LRRC37A2: variants seen among roughly 807,000 people sequenced by gnomAD.
The protein encoded by LRRC37A2 is leucine-rich repeat-containing protein 37A2.
LRRC37A2 carries 9 observed loss-of-function variants against 68.8 expected under a neutral mutation model. That is an observed-to-expected ratio of 0.13 (90% CI 0.08 to 0.23). The LOEUF is 0.23. LRRC37A2 is among the 10% of genes least tolerant of loss of function. The pLI is 1.00. For synonymous variants in LRRC37A2, 63 were observed against 367.6 expected, an observed-to-expected ratio of 0.17 and a Z score of 9.48; for missense variants, 168 against 950.4, an observed-to-expected ratio of 0.18 and a Z score of 10.82.
chr17:46,501,511 C>A, the LRRC37A2 span, among the ~76,000 whole-genome samples: 500 of 151,356 alleles, frequency 3.3e-3, 42 homozygotes, highest in African/African-American at 0.012. Flanking sequence ...AATGTGTGGG[C>A]GTGACCAAGT....
chr17:46,936,077 G>A, the LRRC37A2 span: 1 of 985,844 alleles, frequency 1.0e-6, no homozygotes, highest in Middle Eastern at 5.2e-4. Context: ...GGTCAGGCAA[G>A]CTGCAAGTGA....
the LRRC37A2 span, among the ~76,000 whole-genome samples, chr17:46,902,466 G>A: frequency 1.3e-5 from 2 of 150,986 alleles, no homozygotes; most frequent in African/African-American, 4.9e-5. Flanking sequence ...CAGTGCGTGT[G>A]TGTGTGTGTG....
chr17:46,972,714 C>T, the LRRC37A2 span, among the ~76,000 whole-genome samples: 3 of 152,288 alleles, frequency 2.0e-5, no homozygotes, highest in South Asian at 6.2e-4. Context: ...AACCCTGTAC[C>T]CCACTGGCTG....
chr17:46,777,125 G>A, the LRRC37A2 span, among the ~76,000 whole-genome samples: 1 of 152,172 alleles, frequency 6.6e-6, no homozygotes, highest in Non-Finnish European at 1.5e-5. Context: ...CAGGAGAATC[G>A]CTTGAACCTG....
At chr17:47,037,076 G>C in the LRRC37A2 span, among the ~76,000 whole-genome samples, 1 of 128,018 alleles carries the variant, frequency 7.8e-6, no homozygotes, top group South Asian at 3.3e-4. Context: ...GATTGCCTGA[G>C]GTCAGGAGTT....
At chr17:46,377,571 CTT>C in the LRRC37A2 span, among the ~76,000 whole-genome samples, 2 of 38,704 alleles carry the variant, frequency 5.2e-5, no homozygotes. Context: ...ATCACTGGAT[CTT>C]TTTTTTTTTT....
the LRRC37A2 span, among the ~76,000 whole-genome samples, chr17:46,493,156 A>G: frequency 1.3e-5 from 1 of 79,746 alleles, no homozygotes; most frequent in African/African-American, 7.6e-5. Flanking sequence ...AAAATACTAA[A>G]ATCTTTTTTT....
chr17:46,825,003 C>T, the LRRC37A2 span, among the ~76,000 whole-genome samples: 2 of 152,238 alleles, frequency 1.3e-5, no homozygotes, highest in Non-Finnish European at 2.9e-5. Flanking sequence ...TGCTGCCTCT[C>T]CAGCCATGTG....
chr17:46,903,717 G>A, the LRRC37A2 span, among the ~76,000 whole-genome samples: 1 of 151,062 alleles, frequency 6.6e-6, no homozygotes, highest in Non-Finnish European at 1.5e-5. Context: ...ATGTATGGGT[G>A]GCTTGGGGAG....
chr17:46,801,482 T>C, the LRRC37A2 span, among the ~76,000 whole-genome samples: 1 of 151,914 alleles, frequency 6.6e-6, no homozygotes, highest in Non-Finnish European at 1.5e-5. Context: ...TAGCCGAGCA[T>C]GGTGGCAGGC....
chr17:46,906,936 T>C, the LRRC37A2 span, among the ~76,000 whole-genome samples: 22 of 152,158 alleles, frequency 1.4e-4, no homozygotes, highest in African/African-American at 5.1e-4. Flanking sequence ...CCAGGTACTC[T>C]CAAATACATG....
chr17:46,595,598 T>C, the LRRC37A2 span, among the ~76,000 whole-genome samples: 1 of 131,362 alleles, frequency 7.6e-6, no homozygotes. Context: ...TTCAAGCGAT[T>C]CTCCCGCCTC....
the LRRC37A2 span, chr17:47,017,048 C>A: frequency 1.0e-6 from 1 of 1,000,216 alleles, no homozygotes; most frequent in Non-Finnish European, 1.4e-6. Flanking sequence ...TCCGGCAGGG[C>A]AGGATGGGAA....
the LRRC37A2 span, among the ~76,000 whole-genome samples, chr17:46,791,801 A>T: frequency 2.0e-5 from 3 of 147,960 alleles, no homozygotes; most frequent in Non-Finnish European, 4.5e-5. Flanking sequence ...GCACTTCAGA[A>T]TTTCGAGGCA....
the LRRC37A2 span, among the ~76,000 whole-genome samples, chr17:46,966,079 C>T: frequency 4.6e-5 from 7 of 152,156 alleles, no homozygotes; most frequent in Non-Finnish European, 7.3e-5. Context: ...ATATGTCTAA[C>T]GATGGATCAT....
At chr17:46,940,454 A>G in the LRRC37A2 span, 2 of 1,608,954 alleles carry the variant, frequency 1.2e-6, no homozygotes, top group East Asian at 4.5e-5. Flanking sequence ...CATTTCCATT[A>G]CACACAGCAC....
the LRRC37A2 span, among the ~76,000 whole-genome samples, chr17:46,871,508 G>A: frequency 8.1e-3 from 1,231 of 152,266 alleles, 17 homozygotes; most frequent in African/African-American, 0.028. Flanking sequence ...TAGCTGGAGA[G>A]TAAAGCATCT....
chr17:46,722,604 T>C, the LRRC37A2 span, among the ~76,000 whole-genome samples: 5 of 152,148 alleles, frequency 3.3e-5, no homozygotes, highest in Non-Finnish European at 5.9e-5. Flanking sequence ...GAGTATCTTC[T>C]TAGTGAGAAT....
At chr17:46,947,734 T>C in the LRRC37A2 span, among the ~76,000 whole-genome samples, 2 of 152,204 alleles carry the variant, frequency 1.3e-5, no homozygotes, top group African/African-American at 4.8e-5. Context: ...GTAGCAAAAG[T>C]GCCTGTATTT....
Sources: gnomAD v4.1 joint callset for allele counts (sites outside exome capture counted in the v4.1 genomes callset) on GRCh38, gnomAD v4.1.1 for gene constraint, MANE v1.5 for transcripts, NCBI Gene and HGNC (gene_info 2026-07-23, HGNC 2026-07-21) for gene names.